MOV10L1: variants seen among roughly 807,000 people sequenced by gnomAD.
MOV10L1 encodes RNA helicase Mov10l1.
Under a neutral mutation model 143.8 loss-of-function variants are expected in MOV10L1, and 110 were observed. The observed-to-expected ratio is 0.76, with a 90% CI of 0.66 to 0.90. The LOEUF (loss-of-function observed/expected upper bound fraction) is 0.90, where lower values mean the gene tolerates loss of function less well. MOV10L1 is among the 40% of genes least tolerant of loss of function. MOV10L1 has a pLI of 0.00. For missense variants in MOV10L1, 1,406 were observed against 1,526.8 expected (o/e 0.92, Z 1.32); for synonymous variants, 593 against 581.1 (o/e 1.02, Z -0.29).
intron 5 of MOV10L1, chr22:50,109,693 T>C: frequency 5.1e-6 from 1 of 197,794 alleles, no homozygotes; most frequent in Non-Finnish European, 1.0e-5. Context: ...AAAAAAAAAA[T>C]TAGCCGAGCA....
In MOV10L1 at chr22:50,158,117, G is replaced by T; in HGVS notation, c.3127G>T (p.Val1043Phe). 6.2e-7 allele frequency: 1 copy of T among 1,614,194 alleles called. No individual in the cohort carries two copies. The highest frequency in any genetic ancestry group is 8.5e-7 in the Non-Finnish European group (1 of 1,180,034). ...SWFNPAEAVQ[V>F]LRYCCLLAHS... ...GTTCAACCCGGCCGAGGCCGTCCAG[G>T]TCCTGCGCTACTGCTGCCTCCTGGC... The change falls in exon 23 of 27, where the codon GTC (valine) becomes TTC (phenylalanine). Residue 1043 changes from valine (V) to phenylalanine (F), a missense_variant. Transcript: ENST00000262794. The surrounding 1 kb of genome is among the most constrained non-coding windows in gnomAD (Gnocchi z 5.0).
At chr22:50,148,663 C>CTTTTTTTTT (rs66866727) in intron 19 of MOV10L1, among the ~76,000 whole-genome samples, 1 of 140,008 alleles carries the variant, frequency 7.1e-6, no homozygotes, top group African/African-American at 2.6e-5. Context: ...TTCTTTTTTT[C>CTTTTTTTTT]TTTTTTTTTT....
Position 50,160,686 on chromosome 22 carries a change from A to G in MOV10L1, c.3325-2A>G, listed in dbSNP as rs2063537249. ...TTTTTATTCATCTCTGTGTGCTTTTAGGTACGGTCAAATGAAGATAGATTT... is the reference window on the plus strand; with the variant it reads ...TTTTTATTCATCTCTGTGTGCTTTTGGGTACGGTCAAATGAAGATAGATTT... On this transcript the variant is annotated splice_acceptor_variant, in intron 24 of 26. Transcript: ENST00000262794. LOFTEE classifies it high-confidence loss of function. 6.2e-7 allele frequency: 1 copy of G among 1,613,076 alleles called. No homozygotes were observed. Among genetic ancestry groups the G allele is most frequent in the Admixed American group, 1.7e-5 (1 of 59,824 alleles).
chr22:50,144,604 C>T (rs544277662), intron 18 of MOV10L1, among the ~76,000 whole-genome samples: 23 of 149,868 alleles, frequency 1.5e-4, no homozygotes, highest in African/African-American at 4.9e-4. Context: ...TTTTTTGAGA[C>T]GGAGTCTCGC....
chr22:50,105,860 A>G (rs537366130), intron 3 of MOV10L1, among the ~76,000 whole-genome samples: 198 of 152,244 alleles, frequency 1.3e-3, no homozygotes, highest in African/African-American at 4.5e-3. Context: ...TTGTGCATGT[A>G]TGTATGTCAT....
At chr22:50,102,168 A>G (rs972782522) in intron 3 of MOV10L1, among the ~76,000 whole-genome samples, 1 of 152,218 alleles carries the variant, frequency 6.6e-6, no homozygotes, top group Non-Finnish European at 1.5e-5. Context: ...AGAGAGTCAC[A>G]CTCAGACATG....
rs141646058 is a variant in MOV10L1 at position 50,091,960 on chromosome 22, G to C, written c.98-41G>C. ...GTGGGGTTCACTGTAGCGTACGCTT[G>C]CTTTTATGGCCAAGATAACTTCTTT... is the stretch of plus-strand genomic sequence containing the variant. On this transcript the variant is annotated intron_variant, in intron 1 of 26. Coordinates refer to ENST00000262794, the MANE Select transcript of MOV10L1 (RefSeq NM_018995.3). 8.8e-6 allele frequency: 14 copies of C among 1,589,698 alleles called. No homozygotes were observed. The East Asian group carries it at 2.7e-4, about 30-fold the overall frequency.
intron 13 of MOV10L1, 98 bp downstream of exon 13, chr22:50,128,605 C>T (rs967913653): frequency 6.1e-5 from 40 of 659,510 alleles, no homozygotes; most frequent in South Asian, 1.5e-4. Context: ...ATTTCAGTGG[C>T]GCAATCTCGG....
intron 13 of MOV10L1, among the ~76,000 whole-genome samples, 174 bp from the exon 14 acceptor site, chr22:50,133,833 C>T (rs1023467873): frequency 3.3e-5 from 5 of 152,112 alleles, no homozygotes; most frequent in Non-Finnish European, 4.4e-5. Flanking sequence ...CGTGAGCCAC[C>T]GCGCCCGTCC....
intron 18 of MOV10L1, among the ~76,000 whole-genome samples, chr22:50,144,707 A>G (rs138262): frequency 0.28 from 42,856 of 150,666 alleles, 7,322 homozygotes; most frequent in Non-Finnish European, 0.39. Flanking sequence ...TCAGCCTCCC[A>G]AGTAGCTGGG....
At chr22:50,124,078 C>G (rs1056608370) in intron 10 of MOV10L1, among the ~76,000 whole-genome samples, 2 of 151,964 alleles carry the variant, frequency 1.3e-5, no homozygotes, top group Admixed American at 6.6e-5. Flanking sequence ...TTTGGAGAAC[C>G]AACTTTTTGT....
intron 1 of MOV10L1, 172 bp downstream of exon 1, chr22:50,090,357 C>G: frequency 6.6e-7 from 1 of 1,519,968 alleles, no homozygotes; most frequent in Middle Eastern, 1.9e-4. Context: ...GGCTTCCGAC[C>G]CCACAGCATC....
intron 9 of MOV10L1, 59 bp from the exon 10 acceptor site, chr22:50,120,443 T>C (rs2062306079): frequency 1.9e-6 from 2 of 1,068,534 alleles, no homozygotes; most frequent in Non-Finnish European, 2.8e-6. Context: ...TAGGTAAGAA[T>C]GTCTAGTGAT....
intron 4 of MOV10L1, 157 bp downstream of exon 4, chr22:50,108,405 GT>G: frequency 1.2e-6 from 1 of 817,932 alleles, no homozygotes; most frequent in Non-Finnish European, 2.1e-6. Flanking sequence ...TGACAATGCT[GT>G]GTTTCGTTTG....
At chr22:50,145,959 G>A in intron 19 of MOV10L1, 149 bp downstream of exon 19, 1 of 1,276,082 alleles carries the variant, frequency 7.8e-7, no homozygotes, top group Non-Finnish European at 1.1e-6. Context: ...GGTTGGGGAG[G>A]GCCGTGCCTG....
intron 2 of MOV10L1, among the ~76,000 whole-genome samples, chr22:50,092,526 T>A (rs1462409839): frequency 6.6e-6 from 1 of 151,666 alleles, no homozygotes; most frequent in Non-Finnish European, 1.5e-5. Context: ...TAGTCCCAGC[T>A]ACATGGGAGG....
chr22:50,146,769 G>C lies in MOV10L1; in HGVS notation c.2627+959G>C, dbSNP rs549032490. On this transcript the variant is annotated intron_variant, in intron 19 of 26. Coordinates refer to ENST00000262794, the MANE Select transcript of MOV10L1 (RefSeq NM_018995.3). ...ATGGAGCAAAGGCACAGCCAGCCACGCCTATCACAGCGTGTCACGGATGGT... is the reference window on the plus strand; with the variant it reads ...ATGGAGCAAAGGCACAGCCAGCCACCCCTATCACAGCGTGTCACGGATGGT... Among the ~76,000 whole-genome samples, 4 of 152,298 alleles carry C rather than the reference G, an allele frequency of 2.6e-5. No homozygotes were observed. The South Asian group carries it at 6.2e-4, about 24-fold the overall frequency.
At position 50,142,174 on chromosome 22, in the gene MOV10L1, G is replaced by T. The variant is rs770845130; in HGVS notation, c.2164G>T (p.Glu722Ter). Reference protein sequence around the residue: ...DLPVLAPFTAEMSDWVDEIQT... With the variant: ...DLPVLAPFTA ...GCCGGTGCTGGCACCCTTTACTGCAGAGATGAGCGATTGGGGTATGTGCTC... is the reference window on the plus strand; with the variant it reads ...GCCGGTGCTGGCACCCTTTACTGCATAGATGAGCGATTGGGGTATGTGCTC... Residue 722 changes from glutamate to a stop codon, truncating the protein, a stop_gained, in exon 16 of 27, where the codon GAG (glutamate) becomes TAG (stop). Transcript: ENST00000262794. LOFTEE classifies it high-confidence loss of function. 3 of 1,612,764 alleles carry T rather than the reference G, an allele frequency of 1.9e-6. No homozygotes were observed. The highest frequency in any genetic ancestry group is 2.5e-6 in the Non-Finnish European group (3 of 1,179,390).
intron 8 of MOV10L1, among the ~76,000 whole-genome samples, chr22:50,116,308 G>A (rs1280913409): frequency 2.0e-5 from 3 of 151,790 alleles, no homozygotes; most frequent in African/African-American, 7.3e-5. Context: ...TTAGCTGGGC[G>A]TGGTGGCGGG....
Sources: allele counts gnomAD v4.1 joint callset (sites outside exome capture counted in the v4.1 genomes callset), GRCh38; gene constraint gnomAD v4.1.1; non-coding constraint Gnocchi (gnomAD v3.1); transcripts MANE v1.5; gene names NCBI Gene and HGNC (gene_info 2026-07-23, HGNC 2026-07-21).